The following BCAS3 variants were observed in gnomAD, a reference collection of about 807,000 sequenced individuals.
BCAS3 encodes BCAS3 microtubule associated cell migration factor.
In BCAS3, 53 loss-of-function variants were observed where a neutral mutation model predicts 116.1. The ratio of observed to expected loss-of-function variants is 0.46; its 90% CI spans 0.37 to 0.57. The LOEUF is 0.57. Among genes scored for constraint, BCAS3 ranks in the 20% least tolerant of loss-of-function variants. The pLI is 0.00. For missense variants in BCAS3, 917 were observed against 1,165.4 expected, an observed-to-expected ratio of 0.79 and a Z score of 3.10; for synonymous variants, 391 against 408.2, an observed-to-expected ratio of 0.96 and a Z score of 0.51.
At chr17:60,920,509 T>C (rs1599690399) in intron 12 of BCAS3, among the ~76,000 whole-genome samples, 1 of 152,144 alleles carries the variant, frequency 6.6e-6, no homozygotes, top group African/African-American at 2.4e-5. Flanking sequence ...TCTCTCATCA[T>C]CAGGGAAATG....
In BCAS3 at chr17:61,387,087, A is replaced by T. The variant is rs2059896090; in HGVS notation, c.2594-4890A>T. Among the ~76,000 whole-genome samples the T allele has an allele frequency of 6.6e-6, 1 of 152,070 alleles. No homozygotes were observed. On this transcript the variant is annotated intron_variant, in intron 23 of 23. Coordinates refer to ENST00000407086, the MANE Select transcript of BCAS3 (RefSeq NM_017679.5). The surrounding 1 kb of genome is among the most constrained non-coding windows in gnomAD (Gnocchi z 6.2). ...TGCACCTGGCCCGACTTCACCTCCG[A>T]CCTACTGCTGGGGCCCCTGGTTTGG...
rs538072648 is a variant in BCAS3, at chr17:61,299,442, C to CAAAAAAAAAAA, written c.2426-68871_2426-68861dup. ...TGGGTGACAGAGCGAGACTCCATCTCAAAAAAAAAAAAAAAAAAAAAAAAG... is the reference window on the plus strand; with the variant it reads ...TGGGTGACAGAGCGAGACTCCATCTCAAAAAAAAAAAAAAAAAAAAAAAAAAAAAAAAAAAG... On this transcript the variant is annotated intron_variant, in intron 22 of 23. Transcript: ENST00000407086. Among the ~76,000 whole-genome samples, 81 of 57,124 alleles carry CAAAAAAAAAAA rather than the reference C, an allele frequency of 1.4e-3. 1 individual carries two copies. The highest frequency in any genetic ancestry group is 1.6e-3 in the Non-Finnish European group (46 of 28,428). 37.5% of individuals were successfully genotyped at this position (57,124 alleles called of 152,430 possible).
At chr17:61,260,147 A>G (rs2049079627) in intron 22 of BCAS3, among the ~76,000 whole-genome samples, 1 of 152,162 alleles carries the variant, frequency 6.6e-6, no homozygotes, top group African/African-American at 2.4e-5. Context: ...TTTCCACTTT[A>G]TTTACAGAAA....
In BCAS3 at chr17:60,990,022, C is replaced by T; in HGVS notation, c.1273C>T (p.Leu425Phe). 2.5e-6 allele frequency: 4 copies of T among 1,614,198 alleles called. No homozygotes were observed. The highest frequency in any genetic ancestry group is 3.4e-6 in the Non-Finnish European group (4 of 1,180,022). ...HDCRWVVVST[L>F]RGTSHVFPIN... ...CTGTCGCTGGGTTGTGGTCAGTACT[C>T]TCCGGGGTACTTCCCACGTTTTCCC... Residue 425 changes from leucine (L) to phenylalanine (F), a missense_variant, in exon 15 of 24, where the codon CTC becomes TTC. Leu to Phe is a conservative substitution (Grantham distance 22). Coordinates refer to ENST00000407086, the MANE Select transcript of BCAS3 (RefSeq NM_017679.5). This position sits in a 1 kb window ranked among gnomAD's most constrained non-coding sequence, Gnocchi z 5.1.
chr17:61,091,976 A>G (rs1450597466), intron 22 of BCAS3, among the ~76,000 whole-genome samples: 3 of 152,230 alleles, frequency 2.0e-5, no homozygotes, highest in African/African-American at 2.4e-5. Context: ...ACATAAAAAC[A>G]TAGAATATTT....
chr17:61,332,229 T>C lies in BCAS3; in HGVS notation c.2426-36098T>C, dbSNP rs2060855844. 6.6e-6 allele frequency among the ~76,000 whole-genome samples: 1 copy of C among 152,128 alleles called. No homozygotes were observed. The highest frequency in any genetic ancestry group is 1.5e-5 in the Non-Finnish European group (1 of 68,024). On this transcript the variant is annotated intron_variant, in intron 22 of 23. Coordinates refer to ENST00000407086, the MANE Select transcript of BCAS3 (RefSeq NM_017679.5). This position sits in a 1 kb window ranked among gnomAD's most constrained non-coding sequence, Gnocchi z 5.4. ...TTTCGGGGACATGAGAAGAAGGCAT[T>C]CTTAGAACAGATACTGCCTGGTGAC...
At chr17:60,808,351 G>C (rs1377057314) in intron 7 of BCAS3, among the ~76,000 whole-genome samples, 3 of 152,114 alleles carry the variant, frequency 2.0e-5, no homozygotes, top group Non-Finnish European at 4.4e-5. Context: ...TTTCCAGTTA[G>C]TGCATTCCCT....
rs1261143734 is a variant in BCAS3, at chr17:61,162,079, G to T, written c.2425+77515G>T. Among the ~76,000 whole-genome samples the T allele has an allele frequency of 3.3e-5, 5 of 152,152 alleles. No homozygotes were observed. The highest frequency in any genetic ancestry group is 1.2e-4 in the African/African-American group (5 of 41,444). On this transcript the variant is annotated intron_variant, in intron 22 of 23. Coordinates refer to ENST00000407086, the MANE Select transcript of BCAS3 (RefSeq NM_017679.5). The surrounding 1 kb of genome is among the most constrained non-coding windows in gnomAD (Gnocchi z 5.6). ...ATTTGGTTGATAGAATATAAAGTTT[G>T]ATCTGTATGTGGATGGTTTTACTAC...
At chr17:60,769,433 G>A (rs2044431113) in intron 6 of BCAS3, among the ~76,000 whole-genome samples, 1 of 152,200 alleles carries the variant, frequency 6.6e-6, no homozygotes, top group South Asian at 2.1e-4. Context: ...TGTCTTTGAA[G>A]CACATGGAAG....
intron 22 of BCAS3, among the ~76,000 whole-genome samples, chr17:61,303,691 A>G (rs2053625576): frequency 6.6e-6 from 1 of 152,174 alleles, no homozygotes; most frequent in Non-Finnish European, 1.5e-5. Flanking sequence ...CTGGCTCTGC[A>G]TGGCTTGAGT....
rs771423409 is a variant in BCAS3 at position 61,029,726 on chromosome 17, T to G, written c.1638-4940T>G. 4.6e-5 allele frequency among the ~76,000 whole-genome samples: 7 copies of G among 152,016 alleles called. No individual in the cohort carries two copies. The highest frequency in any genetic ancestry group is 7.2e-5 in the African/African-American group (3 of 41,432). On this transcript the variant is annotated intron_variant, in intron 16 of 23. Transcript: ENST00000407086. The surrounding 1 kb of genome is among the most constrained non-coding windows in gnomAD (Gnocchi z 5.2). ...CCTCATAAAATGTTTTCATATTATA[T>G]AAGGGTAAATTTTAAAGAATTAAAA... is the stretch of plus-strand genomic sequence containing the variant.
At chr17:60,737,697 T>C (rs1157598649) in intron 5 of BCAS3, among the ~76,000 whole-genome samples, 1 of 151,948 alleles carries the variant, frequency 6.6e-6, no homozygotes, top group African/African-American at 2.4e-5. Flanking sequence ...AATATTTGGT[T>C]ATTTTCCAGC....
intron 5 of BCAS3, among the ~76,000 whole-genome samples, chr17:60,711,937 A>G (rs1411845246): frequency 6.6e-6 from 1 of 152,024 alleles, no homozygotes; most frequent in Non-Finnish European, 1.5e-5. Context: ...CAAGGCAGGC[A>G]GATCATTTGA....
rs2070535203 is a variant in BCAS3, at chr17:61,065,671, G to C, written c.2030-9249G>C. Among the ~76,000 whole-genome samples, 1 of 152,088 alleles carries C rather than the reference G, an allele frequency of 6.6e-6. No homozygotes were observed. The highest frequency in any genetic ancestry group is 1.5e-5 in the Non-Finnish European group (1 of 68,014). On this transcript the variant is annotated intron_variant, in intron 19 of 23. Coordinates refer to ENST00000407086, the MANE Select transcript of BCAS3 (RefSeq NM_017679.5). The surrounding 1 kb of genome is among the most constrained non-coding windows in gnomAD (Gnocchi z 4.8). ...CCACTAAAAACTTTCACGTGCTAAGGGTTTTATTGTTTGTGGAGGAAGGGT... is the reference window on the plus strand; with the variant it reads ...CCACTAAAAACTTTCACGTGCTAAGCGTTTTATTGTTTGTGGAGGAAGGGT...
chr17:61,040,958 C>G, intron 19 of BCAS3, 66 bp downstream of exon 19: 1 of 1,383,478 alleles, frequency 7.2e-7, no homozygotes, highest in South Asian at 1.2e-5. Context: ...AAAATGCTAG[C>G]TTTGAAAGCA....
At chr17:60,795,539 T>G (rs889908570) in intron 6 of BCAS3, among the ~76,000 whole-genome samples, 5 of 152,208 alleles carry the variant, frequency 3.3e-5, no homozygotes, top group Non-Finnish European at 5.9e-5. Flanking sequence ...TTCAGTATTA[T>G]GTTGGCTGTG....
At chr17:61,318,321 T>C (rs2054915339) in intron 22 of BCAS3, among the ~76,000 whole-genome samples, 1 of 152,226 alleles carries the variant, frequency 6.6e-6, no homozygotes, top group Admixed American at 6.5e-5. Context: ...TTTTCTCAGT[T>C]GGAAACTTTC....
At position 61,161,244 on chromosome 17, in the gene BCAS3, G is replaced by C. The variant is rs2078152176; in HGVS notation, c.2425+76680G>C. Among the ~76,000 whole-genome samples, 1 of 152,168 alleles carries C rather than the reference G, an allele frequency of 6.6e-6. No homozygotes were observed. The highest frequency in any genetic ancestry group is 2.1e-4 in the South Asian group (1 of 4,828). On this transcript the variant is annotated intron_variant, in intron 22 of 23. Coordinates refer to ENST00000407086, the MANE Select transcript of BCAS3 (RefSeq NM_017679.5). The surrounding 1 kb of genome is among the most constrained non-coding windows in gnomAD (Gnocchi z 4.8). ...GAGTAATATGAAACATTTTGGTTTGGCTGCCAAGTACATCCACATTTTGTT... is the reference window on the plus strand; with the variant it reads ...GAGTAATATGAAACATTTTGGTTTGCCTGCCAAGTACATCCACATTTTGTT...
intron 5 of BCAS3, among the ~76,000 whole-genome samples, chr17:60,718,656 A>G (rs2038911532): frequency 6.6e-6 from 1 of 152,130 alleles, no homozygotes; most frequent in South Asian, 2.1e-4. Flanking sequence ...TTGAGGATTC[A>G]TTTAGCATTA....
Sources: gnomAD v4.1 joint callset for allele counts (sites outside exome capture counted in the v4.1 genomes callset) on GRCh38, gnomAD v4.1.1 for gene constraint, Gnocchi (gnomAD v3.1) non-coding constraint, MANE v1.5 for transcripts, NCBI Gene and HGNC (gene_info 2026-07-23, HGNC 2026-07-21) for gene names.